LYSMD1: variants seen among roughly 807,000 people sequenced by gnomAD.
The protein encoded by LYSMD1 is lysM and putative peptidoglycan-binding domain-containing protein 1.
LYSMD1 carries 9 observed loss-of-function variants against 19.3 expected under a neutral mutation model. That is an observed-to-expected ratio of 0.47 (90% CI 0.28 to 0.81). The LOEUF is 0.81. LYSMD1 is among the 40% of genes least tolerant of loss of function. LYSMD1 has a pLI of 0.11. For synonymous variants in LYSMD1, 111 were observed against 111.7 expected, an observed-to-expected ratio of 0.99 and a Z score of 0.04; for missense variants, 262 against 279.8, an observed-to-expected ratio of 0.94 and a Z score of 0.45.
At chr1:151,163,357 T>C (rs1683521587) in intron 1 of LYSMD1, among the ~76,000 whole-genome samples, 1 of 152,128 alleles carries the variant, frequency 6.6e-6, no homozygotes, top group African/African-American at 2.4e-5. Flanking sequence ...GGATTGTGAC[T>C]TGCTGTCTCT....
intron 1 of LYSMD1, among the ~76,000 whole-genome samples, chr1:151,164,707 G>A (rs900701128): frequency 2.6e-5 from 4 of 152,196 alleles, no homozygotes; most frequent in Admixed American, 1.3e-4. Context: ...AGACAGACCT[G>A]TTTGAATCCC....
chr1:151,152,972 G>A, the LYSMD1 span, among the ~76,000 whole-genome samples: 2 of 152,102 alleles, frequency 1.3e-5, no homozygotes, highest in Non-Finnish European at 2.9e-5. Context: ...GCTCAAAAAA[G>A]TACTATTCAC....
At chr1:151,164,503 A>C (rs587768399) in intron 1 of LYSMD1, among the ~76,000 whole-genome samples, 1 of 152,284 alleles carries the variant, frequency 6.6e-6, no homozygotes, top group South Asian at 2.1e-4. Flanking sequence ...CATGACCTGA[A>C]ATACTTGGTG....
At chr1:151,152,664 C>T in the LYSMD1 span, among the ~76,000 whole-genome samples, 1 of 152,146 alleles carries the variant, frequency 6.6e-6, no homozygotes. Flanking sequence ...CATGCCACTG[C>T]ACTCCAGCCT....
chr1:151,153,506 T>C, the LYSMD1 span, among the ~76,000 whole-genome samples: 1 of 149,844 alleles, frequency 6.7e-6, no homozygotes, highest in Admixed American at 6.7e-5. Flanking sequence ...TACAAAAAAA[T>C]TAGCTGGGCA....
In LYSMD1 at chr1:151,165,131, T is replaced by G. The variant is rs1683626325; in HGVS notation, c.128A>C (p.Gln43Pro). 3 of 1,614,194 alleles carry G rather than the reference T, an allele frequency of 1.9e-6. No homozygotes were observed. Among genetic ancestry groups the G allele is most frequent in the Non-Finnish European group, 2.5e-6 (3 of 1,180,032 alleles). The change falls in exon 1 of 3, where the codon CAG becomes CCG. Residue 43 changes from glutamine (Q) to proline (P), a missense_variant. Transcript: ENST00000368908. The stretch of plus-strand genomic sequence containing the variant: ...AGCCAGGGTGTCTCCGGGCTCCAAC[T>G]GATGCTCCAGGCGTCTTTCCCTCAC... ...SPVRERRLEH[Q>P]LEPGDTLAGL...
At chr1:151,161,682 A>G in intron 2 of LYSMD1, 54 bp downstream of exon 2, 2 of 1,577,264 alleles carry the variant, frequency 1.3e-6, no homozygotes, top group South Asian at 2.4e-5. Flanking sequence ...TAGGTAAGAC[A>G]GGAATGATGG....
the LYSMD1 span, among the ~76,000 whole-genome samples, chr1:151,152,491 G>A: frequency 6.6e-6 from 1 of 151,698 alleles, no homozygotes; most frequent in African/African-American, 2.4e-5. Flanking sequence ...CATGAGGTCA[G>A]GAGTTCAAGA....
chr1:151,151,272 T>A, the LYSMD1 span, among the ~76,000 whole-genome samples: 1 of 151,304 alleles, frequency 6.6e-6, no homozygotes, highest in Admixed American at 6.6e-5. Flanking sequence ...TCACTGCAAG[T>A]TCCGCCTCCC....
the LYSMD1 span, among the ~76,000 whole-genome samples, chr1:151,150,355 C>G: frequency 2.0e-5 from 3 of 152,346 alleles, no homozygotes; most frequent in Admixed American, 6.5e-5. Flanking sequence ...TTCTCTTGAT[C>G]CTTGTCTGCA....
Position 151,165,797 on chromosome 1 carries a change from C to T in LYSMD1, c.-539G>A, listed in dbSNP as rs943677155. On this transcript the variant is annotated 5_prime_UTR_variant, in exon 1 of 3. Coordinates refer to ENST00000368908, the MANE Select transcript of LYSMD1 (RefSeq NM_212551.5). ...CCGCTCCGCATAAGATAGGTCACAC[C>T]CTCAAATTTCGGCTCCACATCTAGG... 7.1e-6 allele frequency: 11 copies of T among 1,549,206 alleles called. No individual in the cohort carries two copies. Among genetic ancestry groups the T allele is most frequent in the East Asian group, 2.4e-5 (1 of 40,908 alleles).
chr1:151,161,576 G>A (rs1479452933), intron 2 of LYSMD1, among the ~76,000 whole-genome samples, 160 bp downstream of exon 2: 1 of 152,078 alleles, frequency 6.6e-6, no homozygotes, highest in African/African-American at 2.4e-5. Context: ...ACCCAGGCCA[G>A]CAGCCATCAC....
At chr1:151,153,466 A>G in the LYSMD1 span, among the ~76,000 whole-genome samples, 1 of 152,042 alleles carries the variant, frequency 6.6e-6, no homozygotes, top group East Asian at 1.9e-4. Flanking sequence ...CAGCCTGGCC[A>G]ATATGGTGAA....
chr1:151,161,104 A>G, intron 2 of LYSMD1, 84 bp from the exon 3 acceptor site: 1 of 1,462,630 alleles, frequency 6.8e-7, no homozygotes. Context: ...ATGGAAAGCT[A>G]TCTTCTAATA....
At chr1:151,153,594 G>A in the LYSMD1 span, among the ~76,000 whole-genome samples, 2 of 151,696 alleles carry the variant, frequency 1.3e-5, no homozygotes, top group Admixed American at 6.6e-5. Context: ...GGTGGAGGTT[G>A]CAGTGAGCCG....
the LYSMD1 span, among the ~76,000 whole-genome samples, chr1:151,154,618 A>T: frequency 6.6e-6 from 1 of 152,042 alleles, no homozygotes; most frequent in South Asian, 2.1e-4. Context: ...GCATCTTCTT[A>T]TATTTTTATT....
At chr1:151,158,846 C>T (rs145235544), downstream of LYSMD1, 11 of 1,614,058 alleles carry the variant, frequency 6.8e-6, no homozygotes, top group South Asian at 3.3e-5. Context: ...AAGGAGTACA[C>T]GCACAGCCGG....
At chr1:151,158,131 T>C (rs1683290957), downstream of LYSMD1, among the ~76,000 whole-genome samples, 1 of 152,034 alleles carries the variant, frequency 6.6e-6, no homozygotes, top group Admixed American at 6.6e-5. Flanking sequence ...GAGACCAGTC[T>C]GGCCAACATG....
chr1:151,161,827 G>A lies in LYSMD1; in HGVS notation c.454C>T (p.Leu152Phe), dbSNP rs748958647. The A allele has an allele frequency of 3.1e-6, 5 of 1,613,814 alleles. No individual in the cohort carries two copies. Among genetic ancestry groups the A allele is most frequent in the Non-Finnish European group, 4.2e-6 (5 of 1,179,944 alleles). The change falls in exon 2 of 3, where the codon CTC becomes TTC. Residue 152 changes from leucine (L) to phenylalanine (F), a missense_variant. Leu to Phe is a conservative substitution (Grantham distance 22). Coordinates refer to ENST00000368908, the MANE Select transcript of LYSMD1 (RefSeq NM_212551.5). ...GQETPTPIHD[L>F]SASDFLKKLD... ...TTCTTAAGGAAATCAGAGGCAGAGAGGTCATGGATGGGCGTGGGGGTTTCC... is the reference window on the plus strand; with the variant it reads ...TTCTTAAGGAAATCAGAGGCAGAGAAGTCATGGATGGGCGTGGGGGTTTCC...
Sources: allele counts gnomAD v4.1 joint callset (sites outside exome capture counted in the v4.1 genomes callset), GRCh38; gene constraint gnomAD v4.1.1; transcripts MANE v1.5; gene names NCBI Gene and HGNC (gene_info 2026-07-23, HGNC 2026-07-21).